The following TRAM1 variants were observed in gnomAD, a reference collection of about 807,000 sequenced individuals.
TRAM1 encodes the protein translocation associated membrane protein 1, also known as translocating chain-associated membrane protein 1.
In TRAM1, 17 loss-of-function variants were observed where a neutral mutation model predicts 48.7. The ratio of observed to expected loss-of-function variants is 0.35; its 90% CI spans 0.24 to 0.52. The LOEUF (loss-of-function observed/expected upper bound fraction) is 0.52, where lower values mean the gene tolerates loss of function less well. Among genes scored for constraint, TRAM1 ranks in the 20% least tolerant of loss-of-function variants. TRAM1 has a pLI of 0.94. For synonymous variants in TRAM1, 182 were observed against 154.0 expected (o/e 1.18, Z -1.34); for missense variants, 351 against 441.5 (o/e 0.79, Z 1.84).
At chr8:70,586,697 G>A (rs1817228628) in intron 8 of TRAM1, among the ~76,000 whole-genome samples, 198 bp downstream of exon 8, 1 of 152,138 alleles carries the variant, frequency 6.6e-6, no homozygotes, top group Non-Finnish European at 1.5e-5. Context: ...ATACAATACA[G>A]TATCTCTCTA....
chr8:70,581,874 C>T (rs1817082908), intron 10 of TRAM1, among the ~76,000 whole-genome samples: 1 of 152,138 alleles, frequency 6.6e-6, no homozygotes, highest in Non-Finnish European at 1.5e-5. Flanking sequence ...CCACATATCA[C>T]ATGGTTCTGT....
chr8:70,589,111 C>T (rs1375428054), intron 6 of TRAM1, among the ~76,000 whole-genome samples: 1 of 152,168 alleles, frequency 6.6e-6, no homozygotes, highest in Non-Finnish European at 1.5e-5. Flanking sequence ...CTCTAGTAAG[C>T]ATGGCGCAAA....
intron 4 of TRAM1, among the ~76,000 whole-genome samples, chr8:70,597,538 C>T (rs956583670): frequency 6.6e-6 from 1 of 151,510 alleles, no homozygotes; most frequent in Non-Finnish European, 1.5e-5. Flanking sequence ...GGCGTGGTGG[C>T]GTGCGTCTGT....
intron 10 of TRAM1, 128 bp from the exon 11 acceptor site, chr8:70,575,133 A>G (rs1293263035): frequency 1.3e-5 from 8 of 626,496 alleles, no homozygotes; most frequent in African/African-American, 1.1e-4. Context: ...TTTACTTACC[A>G]GTATTTAACC....
intron 5 of TRAM1, among the ~76,000 whole-genome samples, chr8:70,595,038 G>GTTTTTTTTTTTTTT (rs11464494): frequency 6.8e-6 from 1 of 146,028 alleles, no homozygotes; most frequent in Non-Finnish European, 1.5e-5. Context: ...AATATCCTCT[G>GTTTTTTTTTTTTTT]TTTTTTTTTT....
At chr8:70,604,959 A>G (rs180984011) in intron 1 of TRAM1, among the ~76,000 whole-genome samples, 42 of 152,278 alleles carry the variant, frequency 2.8e-4, no homozygotes, top group African/African-American at 9.6e-4. Context: ...CTATGATTTG[A>G]ATTATGTGGA....
intron 1 of TRAM1, among the ~76,000 whole-genome samples, chr8:70,606,507 T>C (rs1368153955): frequency 2.6e-5 from 4 of 152,222 alleles, no homozygotes; most frequent in Non-Finnish European, 4.4e-5. Flanking sequence ...CCTAGCACTG[T>C]ATTTACCTTC....
intron 8 of TRAM1, among the ~76,000 whole-genome samples, chr8:70,584,695 T>A (rs1563382279): frequency 6.6e-6 from 1 of 152,108 alleles, no homozygotes; most frequent in African/African-American, 2.4e-5. Context: ...TCAAAGAGAA[T>A]AAAATACCTA....
intron 6 of TRAM1, among the ~76,000 whole-genome samples, chr8:70,590,202 AT>A (rs565882371): frequency 0.081 from 11,790 of 145,218 alleles, 493 homozygotes; most frequent in Non-Finnish European, 0.09. Flanking sequence ...ACTTAGGAGG[AT>A]TTTTTTTTTT....
At position 70,600,047 on chromosome 8, in the gene TRAM1, A is replaced by C. The variant is rs1318457781; in HGVS notation, c.159T>G (p.Leu53=). ...TAKASIIFVT[L]QYNVTLPATE... is the part of the protein sequence containing the mutation. ...TTGCTGGGAGGGTGACATTGTACTG[A>C]AGAGTAACAAAAATGATAGAAGCTT... Residue 53 remains leucine, a synonymous_variant, in exon 2 of 11, where the codon CTT becomes CTG. Transcript: ENST00000262213. 9 of 1,613,818 alleles carry C rather than the reference A, an allele frequency of 5.6e-6. No individual in the cohort carries two copies. Among genetic ancestry groups the C allele is most frequent in the Admixed American group, 3.3e-5 (2 of 59,990 alleles).
intron 8 of TRAM1, among the ~76,000 whole-genome samples, chr8:70,584,962 G>A (rs1486276497): frequency 1.3e-5 from 2 of 152,100 alleles, no homozygotes; most frequent in East Asian, 1.9e-4. Context: ...AAAAGAGCTC[G>A]CATCACCAAG....
chr8:70,594,128 T>G (rs1817428467), intron 6 of TRAM1, among the ~76,000 whole-genome samples: 1 of 152,326 alleles, frequency 6.6e-6, no homozygotes, highest in African/African-American at 2.4e-5. Flanking sequence ...AGTTGTAATG[T>G]GACTAATCCT....
At chr8:70,582,030 T>C (rs1005715746) in intron 10 of TRAM1, among the ~76,000 whole-genome samples, 4 of 152,164 alleles carry the variant, frequency 2.6e-5, no homozygotes, top group African/African-American at 4.8e-5. Context: ...TGGAATTAGA[T>C]AGTGGTTTGC....
chr8:70,604,808 TA>T (rs1817685809), intron 1 of TRAM1, among the ~76,000 whole-genome samples: 1 of 152,172 alleles, frequency 6.6e-6, no homozygotes, highest in South Asian at 2.1e-4. Context: ...ATACACTCCT[TA>T]AAAGAAATAC....
At chr8:70,591,455 C>A (rs552161846) in intron 6 of TRAM1, among the ~76,000 whole-genome samples, 27 of 152,010 alleles carry the variant, frequency 1.8e-4, no homozygotes, top group African/African-American at 6.3e-4. Flanking sequence ...GGTCTCTGGA[C>A]GTACACATTT....
rs1365674079 is a variant in TRAM1, at chr8:70,574,485, A to G, written c.*447T>C. On this transcript the variant is annotated 3_prime_UTR_variant, in exon 11 of 11. Transcript: ENST00000262213. ...CAAAAAATTAGAGAACACTGAAAACATATTAAAGTTTGACATCCAACTTTA... is the reference window on the plus strand; with the variant it reads ...CAAAAAATTAGAGAACACTGAAAACGTATTAAAGTTTGACATCCAACTTTA... The G allele has an allele frequency of 4.8e-6, 1 of 210,170 alleles. No homozygotes were observed. The highest frequency in any genetic ancestry group is 9.6e-6 in the Non-Finnish European group (1 of 104,554). The allele number at this position is 210,170 out of a possible 1,614,324, so 13.0% of individuals were successfully genotyped here.
At position 70,594,340 on chromosome 8, in the gene TRAM1, A is replaced by G. The variant is rs557597244; in HGVS notation, c.570+166T>C. Among the ~76,000 whole-genome samples the G allele has an allele frequency of 5.4e-5, 7 of 129,252 alleles. No individual in the cohort carries two copies. The South Asian group carries it at 1.8e-3, about 34-fold the overall frequency. The allele number at this position is 129,252 out of a possible 152,430, so 84.8% of individuals were successfully genotyped here. On this transcript the variant is annotated intron_variant, in intron 6 of 10. Transcript: ENST00000262213. ...TTTTTTTTTCAAGAAATGCTTAAGG[A>G]TTTTAGGCTTTGTGGAAAGAGGGTT...
In TRAM1 at chr8:70,608,082, A is replaced by T. The variant is rs1165039153; in HGVS notation, c.118T>A (p.Phe40Ile). The T allele has an allele frequency of 2.5e-6, 4 of 1,597,334 alleles. No individual in the cohort carries two copies. In the Admixed American group the frequency reaches 6.9e-5, roughly 27 times the overall value. Residue 40 changes from phenylalanine (F) to isoleucine (I), a missense_variant, in exon 1 of 11, where the codon TTT becomes ATT. Phe to Ile is a conservative substitution (Grantham distance 21). Transcript: ENST00000262213. ...GGGACTCGGGGCGGGCTCACCTCAA[A>T]CATGAGCCCCAGCAGGAAGACCATC... ...VAMVFLLGLMFEITAKASIIF... is the reference protein window; with the variant it reads ...VAMVFLLGLMIEITAKASIIF...
At position 70,576,069 on chromosome 8, in the gene TRAM1, T is replaced by TAAA. The variant is rs1391722559; in HGVS notation, c.1052-1067_1052-1065dup. Among the ~76,000 whole-genome samples, 234 of 40,038 alleles carry TAAA rather than the reference T, an allele frequency of 5.8e-3. 2 individuals are homozygous for TAAA. Among genetic ancestry groups the TAAA allele is most frequent in the African/African-American group, 0.019 (219 of 11,824 alleles). 26.3% of individuals were successfully genotyped at this position (40,038 alleles called of 152,430 possible). A position where few individuals can be genotyped will look rare whatever the true frequency, so the allele number is the denominator to read the frequency against. ...GTGGGCAACAGAGCTAGACTCCATC[T>TAAA]AAAAAAAAAAGAAAAAAAAAAAAAA... On this transcript the variant is annotated intron_variant, in intron 10 of 10. Transcript: ENST00000262213.
Sources: allele counts gnomAD v4.1 joint callset (sites outside exome capture counted in the v4.1 genomes callset), GRCh38; gene constraint gnomAD v4.1.1; transcripts MANE v1.5; gene names NCBI Gene and HGNC (gene_info 2026-07-23, HGNC 2026-07-21).